Variants in KCNIP4 observed in about 807,000 individuals in gnomAD.
KCNIP4 encodes the protein Kv channel-interacting protein 4.
A neutral mutation model predicts 34.0 loss-of-function variants in KCNIP4; 12 were observed. The ratio of observed to expected loss-of-function variants is 0.35; its 90% CI spans 0.23 to 0.57. KCNIP4 has a LOEUF of 0.57. Among genes scored for constraint, KCNIP4 ranks in the 20% least tolerant of loss-of-function variants. The pLI is 0.83. For missense variants in KCNIP4, 238 were observed against 311.7 expected (o/e 0.76, Z 1.78); for synonymous variants, 124 against 102.2 (o/e 1.21, Z -1.29).
intron 1 of KCNIP4, chr4:21,304,081 GAGAGAC>G (rs1560272651): frequency 1.3e-3 from 321 of 248,896 alleles, no homozygotes; most frequent in African/African-American, 8.9e-3. Flanking sequence ...GAGAGAGAGA[GAGAGAC>G]AGAGAGAGAG....
At chr4:20,972,677 A>T (rs1735088885) in intron 1 of KCNIP4, among the ~76,000 whole-genome samples, 1 of 152,190 alleles carries the variant, frequency 6.6e-6, no homozygotes, top group Non-Finnish European at 1.5e-5. Context: ...GGACCCAAAG[A>T]GTGAGCAACA....
chr4:21,443,519 C>T (rs1191301722), intron 1 of KCNIP4, among the ~76,000 whole-genome samples: 2 of 152,066 alleles, frequency 1.3e-5, no homozygotes, highest in Admixed American at 1.3e-4. Flanking sequence ...TAACATGGGT[C>T]GACTATACCC....
At chr4:21,382,624 A>T (rs1721615900) in intron 1 of KCNIP4, among the ~76,000 whole-genome samples, 1 of 152,074 alleles carries the variant, frequency 6.6e-6, no homozygotes, top group Non-Finnish European at 1.5e-5. Flanking sequence ...GATGATCCCA[A>T]GATTTAGTAA....
At chr4:21,394,726 C>T (rs1722842471) in intron 1 of KCNIP4, among the ~76,000 whole-genome samples, 1 of 152,112 alleles carries the variant, frequency 6.6e-6, no homozygotes, top group South Asian at 2.1e-4. Context: ...TGCCTGCTCC[C>T]TATAGATCAT....
chr4:21,188,568 C>T (rs1364838), intron 1 of KCNIP4, among the ~76,000 whole-genome samples: 13,361 of 152,170 alleles, frequency 0.088, 678 homozygotes, highest in East Asian at 0.19. Flanking sequence ...CAGCTTTCAG[C>T]TCTTGCAAAT....
intron 1 of KCNIP4, among the ~76,000 whole-genome samples, chr4:20,991,262 A>T (rs1378621774): frequency 6.6e-6 from 1 of 152,212 alleles, no homozygotes; most frequent in Non-Finnish European, 1.5e-5. Flanking sequence ...AATGACCTTC[A>T]GAAAAGTAGG....
chr4:21,333,392 T>A (rs1281054835), intron 1 of KCNIP4, among the ~76,000 whole-genome samples: 2 of 151,444 alleles, frequency 1.3e-5, no homozygotes, highest in East Asian at 3.9e-4. Context: ...TAAAAAAAAA[T>A]CAGTAAGCCT....
intron 3 of KCNIP4, among the ~76,000 whole-genome samples, chr4:20,828,701 T>C (rs1718062650): frequency 6.6e-6 from 1 of 152,208 alleles, no homozygotes; most frequent in African/African-American, 2.4e-5. Context: ...TGTGTTCCAG[T>C]TTCCATTTCA....
rs149041656 is a variant in KCNIP4 at position 20,882,840 on chromosome 4, G to A, written c.62-131C>T. 1.4e-4 allele frequency: 81 copies of A among 576,040 alleles called. No individual in the cohort carries two copies. In the African/African-American group the frequency reaches 1.5e-3, roughly 10 times the overall value. 35.7% of individuals were successfully genotyped at this position (576,040 alleles called of 1,614,324 possible). On this transcript the variant is annotated intron_variant, in intron 1 of 8. Coordinates refer to ENST00000382152, the MANE Select transcript of KCNIP4 (RefSeq NM_025221.6). ...ATCCACTCAGGCAATCACAGGCAGT[G>A]GGTTGGGACCCCCGAAAGGAAAAAA...
chr4:21,621,500 T>C (rs1259172909), intron 1 of KCNIP4, among the ~76,000 whole-genome samples: 1 of 152,116 alleles, frequency 6.6e-6, no homozygotes, highest in Non-Finnish European at 1.5e-5. Context: ...TAAGTAGTTG[T>C]GACCACAGGT....
intron 2 of KCNIP4, among the ~76,000 whole-genome samples, chr4:20,877,675 A>G (rs1237009881): frequency 2.6e-5 from 4 of 152,188 alleles, no homozygotes; most frequent in Non-Finnish European, 4.4e-5. Context: ...CATGTAGTCC[A>G]ACTGGCTCTC....
chr4:21,858,496 A>G (rs1009557115), intron 1 of KCNIP4, among the ~76,000 whole-genome samples: 1 of 152,196 alleles, frequency 6.6e-6, no homozygotes, highest in East Asian at 1.9e-4. Context: ...TAGTGGCCCA[A>G]TTTCTGCCTC....
intron 1 of KCNIP4, among the ~76,000 whole-genome samples, chr4:21,523,107 G>A (rs1171009972): frequency 6.6e-6 from 1 of 152,094 alleles, no homozygotes; most frequent in Non-Finnish European, 1.5e-5. Context: ...TTAGGTTACA[G>A]CAAGAAGATT....
At chr4:21,759,750 T>A (rs1717915176) in intron 1 of KCNIP4, among the ~76,000 whole-genome samples, 3 of 152,098 alleles carry the variant, frequency 2.0e-5, no homozygotes, top group African/African-American at 7.2e-5. Context: ...AGACCTGGAA[T>A]GACAACCTAC....
chr4:21,507,648 A>G (rs1332455241), intron 1 of KCNIP4, among the ~76,000 whole-genome samples: 2 of 152,194 alleles, frequency 1.3e-5, no homozygotes, highest in Non-Finnish European at 2.9e-5. Context: ...AGACAAATAC[A>G]GTACTGCTCC....
At chr4:21,466,700 C>T (rs1560433699) in intron 1 of KCNIP4, among the ~76,000 whole-genome samples, 4 of 152,060 alleles carry the variant, frequency 2.6e-5, no homozygotes. Context: ...AAACCCCATC[C>T]CATTTATACA....
intron 1 of KCNIP4, among the ~76,000 whole-genome samples, chr4:21,547,844 A>G (rs973446013): frequency 6.6e-6 from 1 of 151,734 alleles, no homozygotes. Flanking sequence ...TGTTTCATAT[A>G]TACCTTATAC....
intron 1 of KCNIP4, among the ~76,000 whole-genome samples, chr4:21,820,949 A>T (rs1560739279): frequency 6.6e-6 from 1 of 152,134 alleles, no homozygotes; most frequent in Non-Finnish European, 1.5e-5. Context: ...CATGGTTATC[A>T]CTGATAACTA....
intron 3 of KCNIP4, among the ~76,000 whole-genome samples, chr4:20,776,179 A>G (rs188670345): frequency 1.3e-3 from 200 of 152,316 alleles, no homozygotes; most frequent in African/African-American, 4.6e-3. Flanking sequence ...ATTCTCTTCA[A>G]AACTTATATG....
Sources: gnomAD v4.1 joint callset for allele counts (sites outside exome capture counted in the v4.1 genomes callset) on GRCh38, gnomAD v4.1.1 for gene constraint, MANE v1.5 for transcripts, NCBI Gene and HGNC (gene_info 2026-07-23, HGNC 2026-07-21) for gene names.